Variants in PPM1H observed in about 807,000 individuals in gnomAD.
The protein encoded by PPM1H is protein phosphatase, Mg2+/Mn2+ dependent 1H.
PPM1H carries 27 observed loss-of-function variants against 54.9 expected under a neutral mutation model. That is an observed-to-expected ratio of 0.49 (90% CI 0.36 to 0.68). PPM1H has a LOEUF of 0.68. PPM1H is among the 30% of genes least tolerant of loss of function. The probability of loss-of-function intolerance (pLI) is 0.00; values close to 1 mark genes in which losing one functional copy is unlikely to be tolerated. For missense variants in PPM1H, 596 were observed against 667.8 expected, an observed-to-expected ratio of 0.89 and a Z score of 1.19; for synonymous variants, 305 against 270.8, an observed-to-expected ratio of 1.13 and a Z score of -1.24.
chr12:62,874,307 G>A (rs545939268), intron 1 of PPM1H, among the ~76,000 whole-genome samples: 191 of 152,214 alleles, frequency 1.3e-3, no homozygotes, highest in Middle Eastern at 6.8e-3. Context: ...AAATATAAAT[G>A]GATAAGAGTG....
At chr12:62,711,439 G>A (rs1353459898) in intron 6 of PPM1H, among the ~76,000 whole-genome samples, 1 of 152,208 alleles carries the variant, frequency 6.6e-6, no homozygotes, top group Admixed American at 6.5e-5. Flanking sequence ...TGTGTAGTAG[G>A]TGTACAATAC....
At chr12:62,906,312 C>T (rs1242698504) in intron 1 of PPM1H, among the ~76,000 whole-genome samples, 3 of 152,150 alleles carry the variant, frequency 2.0e-5, no homozygotes, top group Non-Finnish European at 2.9e-5. Flanking sequence ...AATGAACCAC[C>T]ATGGCATTGG....
chr12:62,815,627 T>C (rs1157831661), intron 2 of PPM1H, among the ~76,000 whole-genome samples: 1 of 152,206 alleles, frequency 6.6e-6, no homozygotes. Flanking sequence ...CAACAATAGA[T>C]AATATTTATT....
chr12:62,827,911 A>G (rs1344631726), intron 2 of PPM1H, among the ~76,000 whole-genome samples: 1 of 152,084 alleles, frequency 6.6e-6, no homozygotes, highest in East Asian at 1.9e-4. Flanking sequence ...TTGTAGTACC[A>G]CTGCCAGTGA....
chr12:62,829,936 G>A lies in PPM1H; in HGVS notation c.411+2178C>T, dbSNP rs776157337. The stretch of plus-strand genomic sequence containing the variant: ...GAAAGAGCAACACTAAGTCACTGGC[G>A]CCCCTATTCAATGATCATGAACACT... On this transcript the variant is annotated intron_variant, in intron 2 of 9. Coordinates refer to ENST00000228705, the MANE Select transcript of PPM1H (RefSeq NM_020700.2). Among the ~76,000 whole-genome samples the A allele has an allele frequency of 1.1e-3, 170 of 152,186 alleles. 2 individuals are homozygous for A. The highest frequency in any genetic ancestry group is 4.4e-3 in the Admixed American group (67 of 15,280).
rs71086621 is a variant in PPM1H, at chr12:62,647,908, G to GAAA, written c.*578_*580dup. On this transcript the variant is annotated 3_prime_UTR_variant, in exon 10 of 10. Transcript: ENST00000228705. ...CAGATTCAAGGAATGTCAAAAACACGAAAAAAAAAAAAAAAAATCCCTGCC... is the reference window on the plus strand; with the variant it reads ...CAGATTCAAGGAATGTCAAAAACACGAAAAAAAAAAAAAAAAAAAATCCCTGCC... 0.097 allele frequency: 10,426 copies of GAAA among 107,714 alleles called. 568 individuals carry two copies. The highest frequency in any genetic ancestry group is 0.14 in the South Asian group (403 of 2,886). The allele number at this position is 107,714 out of a possible 1,614,324, so 6.7% of individuals were successfully genotyped here. A position where few individuals can be genotyped will look rare whatever the true frequency, so the allele number is the denominator to read the frequency against.
intron 9 of PPM1H, among the ~76,000 whole-genome samples, chr12:62,651,238 C>G (rs2075814622): frequency 6.6e-6 from 1 of 152,174 alleles, no homozygotes; most frequent in East Asian, 1.9e-4. Context: ...ATGTGCCTCC[C>G]TTAAACCTTG....
At chr12:62,856,334 G>C (rs1189871533) in intron 1 of PPM1H, among the ~76,000 whole-genome samples, 1 of 152,076 alleles carries the variant, frequency 6.6e-6, no homozygotes, top group East Asian at 1.9e-4. Flanking sequence ...AGTTAAAGAG[G>C]GGGCAATCTC....
At chr12:62,888,406 T>C (rs1236449125) in intron 1 of PPM1H, among the ~76,000 whole-genome samples, 4 of 152,058 alleles carry the variant, frequency 2.6e-5, no homozygotes, top group Non-Finnish European at 5.9e-5. Context: ...ACCATCTACC[T>C]ATGAATGGTA....
intron 2 of PPM1H, among the ~76,000 whole-genome samples, chr12:62,814,824 G>A (rs1018739185): frequency 6.6e-6 from 1 of 152,164 alleles, no homozygotes; most frequent in Non-Finnish European, 1.5e-5. Context: ...CCAAAGAAAA[G>A]GGATTGATCA....
chr12:62,705,436 ATAAAG>A (rs2076167857), intron 6 of PPM1H, among the ~76,000 whole-genome samples: 1 of 152,246 alleles, frequency 6.6e-6, no homozygotes, highest in South Asian at 2.1e-4. Flanking sequence ...ACGGAGTAGA[ATAAAG>A]TAAACAAAGT....
At chr12:62,830,502 G>A (rs997837320) in intron 2 of PPM1H, among the ~76,000 whole-genome samples, 4 of 152,116 alleles carry the variant, frequency 2.6e-5, no homozygotes, top group Non-Finnish European at 2.9e-5. Context: ...TGATCTGCCC[G>A]CCTTGGCCTC....
chr12:62,699,790 C>T (rs981903017), intron 6 of PPM1H, among the ~76,000 whole-genome samples: 5 of 152,112 alleles, frequency 3.3e-5, no homozygotes, highest in Non-Finnish European at 4.4e-5. Flanking sequence ...AGAAACAATC[C>T]GATTTCTTAC....
intron 1 of PPM1H, among the ~76,000 whole-genome samples, chr12:62,857,887 A>C (rs1321337037): frequency 6.6e-6 from 1 of 152,168 alleles, no homozygotes; most frequent in Non-Finnish European, 1.5e-5. Flanking sequence ...GGGTTTCATG[A>C]GGGCAGTCAT....
At chr12:62,748,529 A>AACACACACACACACACACACAC (rs3052402) in intron 4 of PPM1H, among the ~76,000 whole-genome samples, 16 of 147,288 alleles carry the variant, frequency 1.1e-4, no homozygotes, top group African/African-American at 4.0e-4. Flanking sequence ...TTCAGTGTAG[A>AACACACACACACACACACACAC]ACACACACAC....
rs774826463 is a variant in PPM1H at position 62,646,189 on chromosome 12, C to G, written c.*2300G>C. 7.2e-5 allele frequency: 11 copies of G among 152,168 alleles called. No individual in the cohort carries two copies. Among genetic ancestry groups the G allele is most frequent in the Non-Finnish European group, 1.5e-4 (10 of 68,040 alleles). 9.4% of individuals were successfully genotyped at this position (152,168 alleles called of 1,614,324 possible). On this transcript the variant is annotated 3_prime_UTR_variant, in exon 10 of 10. Coordinates refer to ENST00000228705, the MANE Select transcript of PPM1H (RefSeq NM_020700.2). ...TGGATGCCTTTCTAACTAAAACCAG[C>G]AGGACTAAGTGCTCAAGATTTTATA...
chr12:62,880,095 T>C (rs1028680749), intron 1 of PPM1H, among the ~76,000 whole-genome samples: 2 of 152,152 alleles, frequency 1.3e-5, no homozygotes, highest in Admixed American at 6.5e-5. Context: ...AGCATGCTCA[T>C]TGAAAGGAGA....
chr12:62,727,476 T>G (rs2076296190), intron 5 of PPM1H, among the ~76,000 whole-genome samples: 1 of 152,038 alleles, frequency 6.6e-6, no homozygotes, highest in Non-Finnish European at 1.5e-5. Context: ...TTGATAGATG[T>G]CTTCCCATAA....
In PPM1H at chr12:62,844,409, C is replaced by G. The variant is rs1305853206; in HGVS notation, c.246-12130G>C. On this transcript the variant is annotated intron_variant, in intron 1 of 9. Coordinates refer to ENST00000228705, the MANE Select transcript of PPM1H (RefSeq NM_020700.2). This position sits in a 1 kb window ranked among gnomAD's most constrained non-coding sequence, Gnocchi z 5.2. Reference sequence around the variant, plus strand: ...TATCTCTGATGCTGCTTCTTCATTGCTAATCATTTATAGGAAAAAGCAGAA... The same window carrying G: ...TATCTCTGATGCTGCTTCTTCATTGGTAATCATTTATAGGAAAAAGCAGAA... Among the ~76,000 whole-genome samples, 1 of 152,126 alleles carries G rather than the reference C, an allele frequency of 6.6e-6. No individual in the cohort carries two copies. Among genetic ancestry groups the G allele is most frequent in the African/African-American group, 2.4e-5 (1 of 41,422 alleles).
Sources: gnomAD v4.1 joint callset for allele counts (sites outside exome capture counted in the v4.1 genomes callset) on GRCh38, gnomAD v4.1.1 for gene constraint, Gnocchi (gnomAD v3.1) non-coding constraint, MANE v1.5 for transcripts, NCBI Gene and HGNC (gene_info 2026-07-23, HGNC 2026-07-21) for gene names.